FAM184A: variants seen among roughly 807,000 people sequenced by gnomAD.
The protein encoded by FAM184A is protein FAM184A.
In FAM184A, 99 loss-of-function variants were observed where a neutral mutation model predicts 143.8. The ratio of observed to expected loss-of-function variants is 0.69; its 90% CI spans 0.58 to 0.81. FAM184A has a LOEUF of 0.81. Among genes scored for constraint, FAM184A ranks in the 40% least tolerant of loss-of-function variants. The pLI is 0.00. For missense variants in FAM184A, 1,217 were observed against 1,310.5 expected, an observed-to-expected ratio of 0.93 and a Z score of 1.10; for synonymous variants, 427 against 446.4, an observed-to-expected ratio of 0.96 and a Z score of 0.55.
chr6:119,148,181 A>C (rs1449659838), intron 1 of FAM184A, among the ~76,000 whole-genome samples: 2 of 152,132 alleles, frequency 1.3e-5, no homozygotes, highest in Non-Finnish European at 2.9e-5. Flanking sequence ...GATCGTGGCC[A>C]GGAGAGTGTC....
chr6:118,973,605 G>A (rs1246158397), intron 14 of FAM184A, among the ~76,000 whole-genome samples: 1 of 152,076 alleles, frequency 6.6e-6, no homozygotes, highest in Non-Finnish European at 1.5e-5. Context: ...ATTGGAAGAG[G>A]AGAGACTAAA....
At chr6:119,138,542 C>T (rs1772098877) in intron 1 of FAM184A, among the ~76,000 whole-genome samples, 1 of 152,046 alleles carries the variant, frequency 6.6e-6, no homozygotes, top group African/African-American at 2.4e-5. Context: ...CCAGTCAAGT[C>T]TTTCTCACAT....
At chr6:119,125,025 G>A (rs747954590) in intron 1 of FAM184A, among the ~76,000 whole-genome samples, 53 of 152,082 alleles carry the variant, frequency 3.5e-4, no homozygotes, top group Non-Finnish European at 5.9e-4. Flanking sequence ...TTTTACTAAC[G>A]CTTTGAAAGT....
intron 1 of FAM184A, among the ~76,000 whole-genome samples, chr6:119,055,707 C>T (rs1170637168): frequency 3.3e-5 from 5 of 152,178 alleles, no homozygotes; most frequent in Non-Finnish European, 7.3e-5. Flanking sequence ...TGTAAAATCT[C>T]ATATACTGCA....
intron 9 of FAM184A, among the ~76,000 whole-genome samples, chr6:118,991,915 A>G (rs1300464055): frequency 6.6e-6 from 1 of 151,690 alleles, no homozygotes; most frequent in East Asian, 1.9e-4. Context: ...GGCGCTGGCC[A>G]CCACGCCCGG....
At chr6:119,041,709 C>T (rs1464869939) in intron 1 of FAM184A, among the ~76,000 whole-genome samples, 2 of 152,178 alleles carry the variant, frequency 1.3e-5, no homozygotes, top group Non-Finnish European at 1.5e-5. Flanking sequence ...GACTTCCACC[C>T]CTCCGGATCC....
intron 9 of FAM184A, among the ~76,000 whole-genome samples, chr6:118,980,586 C>T (rs534319634): frequency 6.6e-6 from 1 of 152,218 alleles, no homozygotes; most frequent in East Asian, 1.9e-4. Flanking sequence ...TATAGACTGT[C>T]TAAAGAACAC....
chr6:118,997,165 C>A lies in FAM184A; in HGVS notation c.2088+5734G>T, dbSNP rs1047809033. ...CCTGTAATCCCAGCACTTTGGGAGGCAGAGGTGGACAGATCACTTGAAGTT... is the reference window on the plus strand; with the variant it reads ...CCTGTAATCCCAGCACTTTGGGAGGAAGAGGTGGACAGATCACTTGAAGTT... On this transcript the variant is annotated intron_variant, in intron 9 of 17. Transcript: ENST00000338891. Among the ~76,000 whole-genome samples the A allele has an allele frequency of 3.3e-4, 50 of 151,662 alleles. 1 individual carries two copies. The highest frequency in any genetic ancestry group is 8.5e-4 in the Admixed American group (13 of 15,236).
chr6:119,105,469 T>C (rs1178718725), intron 1 of FAM184A, among the ~76,000 whole-genome samples: 3 of 152,160 alleles, frequency 2.0e-5, no homozygotes, highest in African/African-American at 7.2e-5. Flanking sequence ...TAAGACCTGC[T>C]TGCTTCCCCT....
chr6:119,093,984 TCCTCCCTCCCTCCCTCCCCTCCCCTC>T, intron 1 of FAM184A, among the ~76,000 whole-genome samples: 1 of 149,406 alleles, frequency 6.7e-6, no homozygotes, highest in East Asian at 2.1e-4. Context: ...CTTCCTTCCT[TCCTCCCTCCCTCCCTCCCCTCCCCTC>T]CCTCCCTCTC....
rs185087021 is a variant in FAM184A at position 118,985,940 on chromosome 6, T to C, written c.2089-5590A>G. ...TTTAAAGGTGCTCAAATATTTTAAT[T>C]ATATGATTTATTTTTCTTCTTTAAT... On this transcript the variant is annotated intron_variant, in intron 9 of 17. Transcript: ENST00000338891. Among the ~76,000 whole-genome samples, 6 of 152,250 alleles carry C rather than the reference T, an allele frequency of 3.9e-5. No homozygotes were observed. The East Asian group carries it at 7.7e-4, about 20-fold the overall frequency.
chr6:119,011,465 A>AT (rs1785087058), intron 5 of FAM184A, 34 bp from the exon 6 acceptor site: 1 of 1,297,920 alleles, frequency 7.7e-7, no homozygotes, highest in African/African-American at 1.5e-5. Flanking sequence ...AATTAACAAA[A>AT]TTGCAAGTAT....
intron 1 of FAM184A, among the ~76,000 whole-genome samples, chr6:119,062,919 C>T (rs2114771702): frequency 6.6e-6 from 1 of 152,280 alleles, no homozygotes; most frequent in South Asian, 2.1e-4. Flanking sequence ...AATAAAACAA[C>T]ATTCTATACC....
intron 1 of FAM184A, among the ~76,000 whole-genome samples, chr6:119,035,854 G>A (rs534146261): frequency 2.6e-5 from 4 of 152,158 alleles, no homozygotes; most frequent in Admixed American, 1.3e-4. Flanking sequence ...TACATCTTAC[G>A]TGTACTGATT....
chr6:119,091,375 G>A (rs73531400), intron 1 of FAM184A, among the ~76,000 whole-genome samples: 4,494 of 152,170 alleles, frequency 0.03, 232 homozygotes, highest in African/African-American at 0.1. Context: ...GGCTCAATGC[G>A]TATATCACAT....
intron 4 of FAM184A, among the ~76,000 whole-genome samples, chr6:119,018,697 T>C (rs1398484550): frequency 2.0e-5 from 3 of 152,220 alleles, no homozygotes; most frequent in African/African-American, 7.2e-5. Flanking sequence ...CAGAGATTGC[T>C]GCTAGGCAGT....
At chr6:119,031,096 C>T (rs1393143022) in intron 1 of FAM184A, among the ~76,000 whole-genome samples, 31 of 151,190 alleles carry the variant, frequency 2.1e-4, no homozygotes, top group Admixed American at 1.8e-3. Flanking sequence ...CTTTTTTTTC[C>T]TATGATAAAT....
chr6:119,106,489 C>T (rs930166102), intron 1 of FAM184A, among the ~76,000 whole-genome samples: 8 of 152,350 alleles, frequency 5.3e-5, no homozygotes, highest in Admixed American at 1.3e-4. Context: ...TGGGACCTTT[C>T]GTCTTCTCAT....
intron 1 of FAM184A, among the ~76,000 whole-genome samples, chr6:119,027,849 T>C (rs1198707569): frequency 6.6e-6 from 1 of 152,234 alleles, no homozygotes; most frequent in Non-Finnish European, 1.5e-5. Context: ...AGTTTCTTCC[T>C]GAGGAACTTA....
Sources: allele counts gnomAD v4.1 joint callset (sites outside exome capture counted in the v4.1 genomes callset), GRCh38; gene constraint gnomAD v4.1.1; transcripts MANE v1.5; gene names NCBI Gene and HGNC (gene_info 2026-07-23, HGNC 2026-07-21).